The following TEK variants were observed in gnomAD, a reference collection of about 807,000 sequenced individuals.
TEK encodes the protein angiopoietin-1 receptor.
A neutral mutation model predicts 131.8 loss-of-function variants in TEK; 43 were observed. That is an observed-to-expected ratio of 0.33 (90% CI 0.26 to 0.42). TEK has a LOEUF of 0.42. Ranked by LOEUF, TEK falls within the 10% of genes least tolerant of loss-of-function variation. TEK has a pLI of 1.00. For synonymous variants in TEK, 580 were observed against 491.6 expected, an observed-to-expected ratio of 1.18 and a Z score of -2.38; for missense variants, 1,162 against 1,384.4, an observed-to-expected ratio of 0.84 and a Z score of 2.55.
intron 1 of TEK, among the ~76,000 whole-genome samples, chr9:27,148,747 T>A (rs1240787722): frequency 6.6e-6 from 1 of 152,254 alleles, no homozygotes; most frequent in Non-Finnish European, 1.5e-5. Flanking sequence ...ACTGGCTGTT[T>A]GTGTTTCCTT....
At chr9:27,212,942 C>T (rs764460912) in intron 17 of TEK, 45 bp downstream of exon 17, 2 of 1,597,434 alleles carry the variant, frequency 1.3e-6, no homozygotes, top group South Asian at 1.1e-5. Context: ...CTGTGGAGTT[C>T]CCTCTAAAGT....
rs1473780851 is a variant in TEK, at chr9:27,218,075, T to TAGATCAGAG, written c.3062+318_3062+326dup. 2.1e-5 allele frequency among the ~76,000 whole-genome samples: 3 copies of TAGATCAGAG among 145,124 alleles called. No homozygotes were observed. In the East Asian group the frequency reaches 7.0e-4, roughly 34 times the overall value. ...CTTCCTGTGGCTCCTCTCCCAGACC[T>TAGATCAGAG]AGATCAGAGGAAGCAACCCAGAATA... On this transcript the variant is annotated intron_variant, in intron 19 of 22. Coordinates refer to ENST00000380036, the MANE Select transcript of TEK (RefSeq NM_000459.5).
intron 1 of TEK, among the ~76,000 whole-genome samples, chr9:27,120,893 A>G (rs555076561): frequency 5.9e-4 from 90 of 152,230 alleles, no homozygotes; most frequent in Non-Finnish European, 8.7e-4. Flanking sequence ...TGCCTTTGTC[A>G]TAATACTTAG....
At chr9:27,181,853 A>G (rs1473264542) in intron 7 of TEK, among the ~76,000 whole-genome samples, 3 of 151,626 alleles carry the variant, frequency 2.0e-5, no homozygotes, top group Non-Finnish European at 4.4e-5. Context: ...TATAAATGCC[A>G]TTGAAATAAA....
chr9:27,202,962 C>A lies in TEK; in HGVS notation c.2052C>A (p.His684Gln), dbSNP rs35818764. Residue 684 changes from histidine (H) to glutamine (Q), a missense_variant, in exon 13 of 23, where the codon CAC becomes CAA. By Grantham distance (24) the His-to-Gln change is conservative (BLOSUM62 0). Transcript: ENST00000380036. ...TTCAAGGCAAGAATGAAGACCAGCA[C>A]GTTGATGTGAAGATAAAGAATGCCA... Reference protein sequence around the residue: ...YKVQGKNEDQHVDVKIKNATI... With the variant: ...YKVQGKNEDQQVDVKIKNATI... 6 of 1,613,948 alleles carry A rather than the reference C, an allele frequency of 3.7e-6. No homozygotes were observed. Among genetic ancestry groups the A allele is most frequent in the Middle Eastern group, 1.6e-4 (1 of 6,084 alleles).
chr9:27,186,276 G>A (rs539332178), intron 9 of TEK, among the ~76,000 whole-genome samples: 15 of 152,280 alleles, frequency 9.9e-5, no homozygotes, highest in Non-Finnish European at 1.9e-4. Context: ...GTAAGTCCAC[G>A]TTAACTTGGC....
intron 21 of TEK, among the ~76,000 whole-genome samples, chr9:27,220,679 C>G (rs546240055): frequency 6.6e-6 from 1 of 152,182 alleles, no homozygotes; most frequent in South Asian, 2.1e-4. Context: ...ACCTGGGAAG[C>G]GCAAGGGGTT....
chr9:27,177,806 A>G (rs892024618), intron 6 of TEK, among the ~76,000 whole-genome samples: 3 of 152,124 alleles, frequency 2.0e-5, no homozygotes, highest in Non-Finnish European at 4.4e-5. Flanking sequence ...CCATTTTTTT[A>G]TCAGGTTGTT....
intron 1 of TEK, among the ~76,000 whole-genome samples, chr9:27,114,528 G>T (rs1821471848): frequency 6.6e-6 from 1 of 151,640 alleles, no homozygotes; most frequent in Non-Finnish European, 1.5e-5. Flanking sequence ...CCGAGATTAT[G>T]CCACTGCACT....
chr9:27,165,900 G>A (rs1823712722), intron 2 of TEK, among the ~76,000 whole-genome samples: 1 of 152,272 alleles, frequency 6.6e-6, no homozygotes. Flanking sequence ...ACAGCCCACA[G>A]CCGATGAAAG....
intron 19 of TEK, 34 bp downstream of exon 19, chr9:27,217,792 T>TA: frequency 3.2e-6 from 5 of 1,554,996 alleles, no homozygotes; most frequent in Non-Finnish European, 4.4e-6. Flanking sequence ...GGGATTTTTT[T>TA]TCCCTCCCAG....
chr9:27,220,166 G>C, intron 21 of TEK, 21 bp downstream of exon 21: 4 of 1,611,920 alleles, frequency 2.5e-6, no homozygotes, highest in Non-Finnish European at 3.4e-6. Flanking sequence ...CCTCATCCTG[G>C]GGCTATTTTG....
At chr9:27,226,168 T>G (rs1338994374) in intron 21 of TEK, among the ~76,000 whole-genome samples, 1 of 152,206 alleles carries the variant, frequency 6.6e-6, no homozygotes, top group Non-Finnish European at 1.5e-5. Context: ...TGGAAGTCAG[T>G]GTGGCGATTC....
chr9:27,191,701 T>G (rs946697445), intron 10 of TEK, among the ~76,000 whole-genome samples: 2 of 152,170 alleles, frequency 1.3e-5, no homozygotes, highest in African/African-American at 4.8e-5. Context: ...CTATTGTAGA[T>G]TCTATCAAAA....
rs775700953 is a variant in TEK, at chr9:27,157,926, C to T, written c.148C>T (p.Arg50Cys). Residue 50 changes from arginine to cysteine, a missense_variant, in exon 2 of 23, where the codon CGC (arginine) becomes TGC (cysteine). Physicochemically the swap from Arg to Cys is radical, Grantham distance 180 (BLOSUM62 -3). Coordinates refer to ENST00000380036, the MANE Select transcript of TEK (RefSeq NM_000459.5). ...TSLTCIASGW[R>C]PHEPITIGRD... Reference sequence around the variant, plus strand: ...TCTCACCTGCATTGCCTCTGGGTGGCGCCCCCATGAGCCCATCACCATAGG... The same window carrying T: ...TCTCACCTGCATTGCCTCTGGGTGGTGCCCCCATGAGCCCATCACCATAGG... 61 of 1,613,776 alleles carry T rather than the reference C, an allele frequency of 3.8e-5. 1 individual carries two copies. The highest frequency in any genetic ancestry group is 5.0e-5 in the Non-Finnish European group (59 of 1,179,980).
At position 27,157,847 on chromosome 9, in the gene TEK, C is replaced by A; in HGVS notation, c.69C>A (p.Ala23=). The A allele has an allele frequency of 6.2e-7, 1 of 1,614,054 alleles. No homozygotes were observed. The highest frequency in any genetic ancestry group is 8.5e-7 in the Non-Finnish European group (1 of 1,180,002). ...SLLLSGTVEG[A]MDLILINSLP... is the part of the protein sequence containing the mutation. The stretch of plus-strand genomic sequence containing the variant: ...TCCTTTTAGGAACTGTGGAAGGTGC[C>A]ATGGACTTGATCTTGATCAATTCCC... Residue 23 remains alanine, a synonymous_variant, in exon 2 of 23, where the codon GCC becomes GCA. Coordinates refer to ENST00000380036, the MANE Select transcript of TEK (RefSeq NM_000459.5).
At chr9:27,228,378 T>G in intron 22 of TEK, 73 bp downstream of exon 22, 1 of 1,158,728 alleles carries the variant, frequency 8.6e-7, no homozygotes. Flanking sequence ...ATAAAAAACA[T>G]TGAAATAATT....
intron 2 of TEK, among the ~76,000 whole-genome samples, chr9:27,168,015 A>C (rs1823800948): frequency 6.6e-6 from 1 of 152,228 alleles, no homozygotes; most frequent in Non-Finnish European, 1.5e-5. Flanking sequence ...ATGCTCCAAG[A>C]TCCAAAAATA....
chr9:27,215,777 A>T (rs575828928), intron 18 of TEK, among the ~76,000 whole-genome samples: 39 of 151,728 alleles, frequency 2.6e-4, no homozygotes, highest in African/African-American at 8.7e-4. Flanking sequence ...TAGACATATG[A>T]CTCAGGATTG....
Sources: gnomAD v4.1 joint callset for allele counts (sites outside exome capture counted in the v4.1 genomes callset) on GRCh38, gnomAD v4.1.1 for gene constraint, MANE v1.5 for transcripts, NCBI Gene and HGNC (gene_info 2026-07-23, HGNC 2026-07-21) for gene names.